PRKCZ: variants seen among roughly 807,000 people sequenced by gnomAD.
PRKCZ encodes the protein protein kinase C zeta.
PRKCZ carries 33 observed loss-of-function variants against 79.5 expected under a neutral mutation model. The observed-to-expected ratio is 0.41, with a 90% CI of 0.31 to 0.55. PRKCZ has a LOEUF of 0.55. Among genes scored for constraint, PRKCZ ranks in the 20% least tolerant of loss-of-function variants. The pLI is 0.19. For synonymous variants in PRKCZ, 342 were observed against 320.9 expected, an observed-to-expected ratio of 1.07 and a Z score of -0.70; for missense variants, 578 against 813.5, an observed-to-expected ratio of 0.71 and a Z score of 3.52.
intron 16 of PRKCZ, among the ~76,000 whole-genome samples, chr1:2,176,397 C>T (rs1182869007): frequency 2.0e-5 from 3 of 151,674 alleles, no homozygotes; most frequent in African/African-American, 7.3e-5. Context: ...CAGCGCCGCT[C>T]GGTCGTGGGT....
intron 10 of PRKCZ, among the ~76,000 whole-genome samples, chr1:2,160,271 G>C (rs1289527932): frequency 6.6e-6 from 1 of 151,230 alleles, no homozygotes; most frequent in African/African-American, 2.4e-5. Flanking sequence ...GTGTGTGTGT[G>C]TCAGTTATGC....
At chr1:2,083,954 G>A (rs572093534) in intron 4 of PRKCZ, among the ~76,000 whole-genome samples, 3 of 152,326 alleles carry the variant, frequency 2.0e-5, no homozygotes, top group Middle Eastern at 3.4e-3. Context: ...TATGTTGGCC[G>A]GGCGCGGTGG....
intron 9 of PRKCZ, among the ~76,000 whole-genome samples, chr1:2,155,458 T>C (rs941485550): frequency 2.1e-4 from 32 of 151,524 alleles, no homozygotes; most frequent in African/African-American, 7.5e-4. Context: ...ATGGTGGTGG[T>C]GATGGTGATG....
At chr1:2,066,782 G>A (rs766217958) in intron 4 of PRKCZ, among the ~76,000 whole-genome samples, 11 of 152,152 alleles carry the variant, frequency 7.2e-5, no homozygotes, top group Admixed American at 2.0e-4. Flanking sequence ...ATAGCCAGGC[G>A]CCATGGCTCA....
At chr1:2,180,815 C>T (rs964107223) in intron 16 of PRKCZ, among the ~76,000 whole-genome samples, 3 of 152,166 alleles carry the variant, frequency 2.0e-5, no homozygotes, top group Non-Finnish European at 4.4e-5. Context: ...CAGGGCACTA[C>T]CTCCTGGGCC....
intron 4 of PRKCZ, among the ~76,000 whole-genome samples, chr1:2,101,467 T>C (rs1228359058): frequency 2.0e-5 from 3 of 152,218 alleles, no homozygotes; most frequent in Non-Finnish European, 2.9e-5. Context: ...AGACATCCTG[T>C]TGCTGATTTA....
intron 4 of PRKCZ, among the ~76,000 whole-genome samples, chr1:2,076,795 C>T (rs1662506953): frequency 6.6e-6 from 1 of 151,782 alleles, no homozygotes; most frequent in African/African-American, 2.4e-5. Flanking sequence ...CTGAACCAGT[C>T]GGTCGTCCAG....
chr1:2,154,600 A>G (rs919944431), intron 9 of PRKCZ, among the ~76,000 whole-genome samples: 6 of 152,268 alleles, frequency 3.9e-5, no homozygotes, highest in African/African-American at 1.4e-4. Context: ...CTGGAGGCTG[A>G]GGTGGGAGGA....
In PRKCZ at chr1:2,128,418, G is replaced by A. The variant is rs138535931; in HGVS notation, c.335-6844G>A. 7.1e-3 allele frequency among the ~76,000 whole-genome samples: 1,076 copies of A among 152,352 alleles called. 12 individuals carry two copies. The highest frequency in any genetic ancestry group is 0.024 in the African/African-American group (1,016 of 41,590). ...CACCCAAGGGCTGTCGCCTGTCCCA[G>A]CCTGCTGCTCCGAGTTTAGTGTTTT... On this transcript the variant is annotated intron_variant, in intron 4 of 17. Coordinates refer to ENST00000378567, the MANE Select transcript of PRKCZ (RefSeq NM_002744.6). This position sits in a 1 kb window ranked among gnomAD's most constrained non-coding sequence, Gnocchi z 6.5.
intron 10 of PRKCZ, among the ~76,000 whole-genome samples, chr1:2,167,335 T>C (rs1354965401): frequency 6.6e-6 from 1 of 152,226 alleles, no homozygotes; most frequent in Non-Finnish European, 1.5e-5. Context: ...ATTGTATTGA[T>C]GCTTTTCTCT....
intron 4 of PRKCZ, among the ~76,000 whole-genome samples, chr1:2,105,944 T>G (rs4648619): frequency 0.22 from 33,727 of 152,208 alleles, 4,361 homozygotes; most frequent in Middle Eastern, 0.31. Flanking sequence ...ACACACATGC[T>G]GGGACCACGA....
At chr1:2,076,742 GAA>G (rs59323031) in intron 4 of PRKCZ, among the ~76,000 whole-genome samples, 46 of 127,134 alleles carry the variant, frequency 3.6e-4, no homozygotes, top group East Asian at 6.4e-4. Context: ...ACTCCATCTT[GAA>G]AAAAAAAAAA....
At chr1:2,051,253 G>A (rs1659617990) in intron 1 of PRKCZ, among the ~76,000 whole-genome samples, 2 of 152,166 alleles carry the variant, frequency 1.3e-5, no homozygotes, top group Admixed American at 1.3e-4. Flanking sequence ...GGTTTGCGTC[G>A]CACCCGCCCC....
In PRKCZ at chr1:2,174,876, G is replaced by C; in HGVS notation, c.1485+43G>C. 1 of 1,588,216 alleles carries C rather than the reference G, an allele frequency of 6.3e-7. No individual in the cohort carries two copies. ...CTGACAAAATCTCGTTTGTGGCCTC[G>C]GTGTTGGTGGGCAGAGGGCCAGGCA... On this transcript the variant is annotated intron_variant, in intron 15 of 17. Coordinates refer to ENST00000378567, the MANE Select transcript of PRKCZ (RefSeq NM_002744.6). The surrounding 1 kb of genome is among the most constrained non-coding windows in gnomAD (Gnocchi z 6.2).
At position 2,174,887 on chromosome 1, in the gene PRKCZ, G is replaced by T; in HGVS notation, c.1485+54G>T. 6.4e-7 allele frequency: 1 copy of T among 1,567,428 alleles called. No individual in the cohort carries two copies. On this transcript the variant is annotated intron_variant, in intron 15 of 17. Coordinates refer to ENST00000378567, the MANE Select transcript of PRKCZ (RefSeq NM_002744.6). This position sits in a 1 kb window ranked among gnomAD's most constrained non-coding sequence, Gnocchi z 6.2. ...TCGTTTGTGGCCTCGGTGTTGGTGG[G>T]CAGAGGGCCAGGCACGGCTGTTGGC...
intron 4 of PRKCZ, among the ~76,000 whole-genome samples, chr1:2,080,494 T>G (rs1326934736): frequency 1.3e-5 from 2 of 152,128 alleles, no homozygotes; most frequent in Non-Finnish European, 2.9e-5. Context: ...GGGGGCAGTT[T>G]TCAAATGCTT....
chr1:2,150,874 A>G lies in PRKCZ; in HGVS notation c.772A>G (p.Ile258Val). The G allele has an allele frequency of 6.2e-7, 1 of 1,614,208 alleles. No individual in the cohort carries two copies. Reference sequence around the variant, plus strand: ...GCAGGACTTTGACCTAATCAGAGTCATCGGGCGCGGGAGCTACGCCAAGGT... The same window carrying G: ...GCAGGACTTTGACCTAATCAGAGTCGTCGGGCGCGGGAGCTACGCCAAGGT... Reference protein sequence around the residue: ...GLQDFDLIRVIGRGSYAKVLL... With the variant: ...GLQDFDLIRVVGRGSYAKVLL... Residue 258 changes from isoleucine to valine, a missense_variant, in exon 9 of 18, where the codon ATC becomes GTC. Physicochemically the swap from Ile to Val is conservative, Grantham distance 29 (BLOSUM62 3). This residue lies in a region of PRKCZ where 243 missense variants were observed against 467.0 expected (regional missense o/e 0.52). Coordinates refer to ENST00000378567, the MANE Select transcript of PRKCZ (RefSeq NM_002744.6).
In PRKCZ at chr1:2,081,799, C is replaced by G. The variant is rs868575161; in HGVS notation, c.334+22208C>G. Among the ~76,000 whole-genome samples the G allele has an allele frequency of 1.2e-4, 19 of 152,050 alleles. No homozygotes were observed. In the East Asian group the frequency reaches 3.7e-3, roughly 30 times the overall value. ...TCACCTGGCACCAAGCTCAGGCACG[C>G]CCCCCACACCCCACCACTGCCGCCC... On this transcript the variant is annotated intron_variant, in intron 4 of 17. Transcript: ENST00000378567.
Position 2,150,775 on chromosome 1 carries a change from G to C in PRKCZ, c.688-15G>C. On this transcript the variant is annotated splice_polypyrimidine_tract_variant and intron_variant, in intron 8 of 17. Transcript: ENST00000378567. ...CCCCCCTCTCACTTTCTGGGGTCTT[G>C]TTCTCCCTCCCTAGGACCTTAAGCC... 6.2e-7 allele frequency: 1 copy of C among 1,607,980 alleles called. No individual in the cohort carries two copies. Among genetic ancestry groups the C allele is most frequent in the South Asian group, 1.1e-5 (1 of 90,776 alleles).
Sources: gnomAD v4.1 joint callset for allele counts (sites outside exome capture counted in the v4.1 genomes callset) on GRCh38, gnomAD v4.1.1 for gene constraint, gnomAD v4.1.1 regional missense constraint, Gnocchi (gnomAD v3.1) non-coding constraint, MANE v1.5 for transcripts, NCBI Gene and HGNC (gene_info 2026-07-23, HGNC 2026-07-21) for gene names.